The following MAP3K12 variants were observed in gnomAD, a reference collection of about 807,000 sequenced individuals.
MAP3K12 encodes the protein mitogen-activated protein kinase kinase kinase 12, also known as MAPK-upstream kinase.
A neutral mutation model predicts 87.5 loss-of-function variants in MAP3K12; 14 were observed. That is an observed-to-expected ratio of 0.16 (90% confidence interval 0.11 to 0.25). MAP3K12 has a LOEUF of 0.25. Among genes scored for constraint, MAP3K12 ranks in the 10% least tolerant of loss-of-function variants. The pLI, the probability that MAP3K12 is intolerant of heterozygous loss-of-function variation, is 1.00. For missense variants in MAP3K12, 802 were observed against 1,140.4 expected, an observed-to-expected ratio of 0.70 and a Z score of 4.27; for synonymous variants, 469 against 452.5, an observed-to-expected ratio of 1.04 and a Z score of -0.46.
chr12:53,484,207 T>C, intron 7 of MAP3K12, 50 bp downstream of exon 7: 1 of 1,526,852 alleles, frequency 6.5e-7, no homozygotes, highest in Non-Finnish European at 9.1e-7. Context: ...AATAGCATCA[T>C]CTCTGCAAAG....
chr12:53,495,267 G>T (rs996223868), intron 1 of MAP3K12, among the ~76,000 whole-genome samples: 1 of 148,486 alleles, frequency 6.7e-6, no homozygotes, highest in African/African-American at 2.5e-5. Context: ...TGAACCCAGG[G>T]GGCGGAGCCT....
At chr12:53,485,512 T>A (rs750790604) in intron 4 of MAP3K12, 37 bp from the exon 5 acceptor site, 5 of 1,594,222 alleles carry the variant, frequency 3.1e-6, no homozygotes. Flanking sequence ...TCCACACCCC[T>A]CCACACACCT....
chr12:53,496,256 T>C (rs1163663035), intron 1 of MAP3K12, among the ~76,000 whole-genome samples: 1 of 152,204 alleles, frequency 6.6e-6, no homozygotes, highest in Non-Finnish European at 1.5e-5. Context: ...GTGATTGTGC[T>C]GGAGTCCCCA....
chr12:53,479,671 G>GTTTTTTTTTTTTTTTGGT lies in MAP3K12; in HGVS notation c.*1510_*1511insACCAAAAAAAAAAAAAAA, dbSNP rs879244280. On this transcript the variant is annotated 3_prime_UTR_variant, in exon 14 of 14. Coordinates refer to ENST00000547488, the MANE Select transcript of MAP3K12 (RefSeq NM_001193511.2). ...ATTTAGTTTTATAAGCTTCTCCCTGGTTTTTTTTTTTTGGCTCATGAATTT... is the reference window on the plus strand; with the variant it reads ...ATTTAGTTTTATAAGCTTCTCCCTGGTTTTTTTTTTTTTTTGGTTTTTTTTTTTTTGGCTCATGAATTT... 0.012 allele frequency: 2,392 copies of GTTTTTTTTTTTTTTTGGT among 204,656 alleles called. 5 individuals are homozygous for GTTTTTTTTTTTTTTTGGT. Among genetic ancestry groups the GTTTTTTTTTTTTTTTGGT allele is most frequent in the Middle Eastern group, 0.023 (14 of 622 alleles). The allele number at this position is 204,656 out of a possible 1,614,324, so 12.7% of individuals were successfully genotyped here. A position where few individuals can be genotyped will look rare whatever the true frequency, so the allele number is the denominator to read the frequency against.
intron 1 of MAP3K12, among the ~76,000 whole-genome samples, chr12:53,491,024 C>T (rs1287591275): frequency 6.6e-6 from 1 of 152,006 alleles, no homozygotes; most frequent in African/African-American, 2.4e-5. Context: ...CGTAGTGGCT[C>T]ACGCCTGTAA....
chr12:53,498,101 C>T (rs1169530483), intron 1 of MAP3K12, among the ~76,000 whole-genome samples: 1 of 152,196 alleles, frequency 6.6e-6, no homozygotes, highest in East Asian at 1.9e-4. Flanking sequence ...AACATTACCC[C>T]AGTTGACAAT....
intron 1 of MAP3K12, 27 bp from the exon 2 acceptor site, chr12:53,487,455 G>T: frequency 6.5e-7 from 1 of 1,545,690 alleles, no homozygotes; most frequent in Non-Finnish European, 8.7e-7. Flanking sequence ...AGGAGGGGCT[G>T]GGCTGTTAAA....
At chr12:53,483,531 G>T in intron 9 of MAP3K12, 45 bp from the exon 10 acceptor site, 1 of 1,613,824 alleles carries the variant, frequency 6.2e-7, no homozygotes, top group Non-Finnish European at 8.5e-7. Flanking sequence ...GACCAGGAAG[G>T]GGCACCCCAG....
intron 6 of MAP3K12, 29 bp downstream of exon 6, chr12:53,485,027 C>T: frequency 1.2e-6 from 2 of 1,613,824 alleles, no homozygotes; most frequent in South Asian, 2.2e-5. Flanking sequence ...CTTCTCCAGG[C>T]CCAGTATCCC....
chr12:53,484,408 G>C, intron 6 of MAP3K12, 43 bp from the exon 7 acceptor site: 5 of 1,470,018 alleles, frequency 3.4e-6, no homozygotes, highest in Non-Finnish European at 4.8e-6. Flanking sequence ...GAATTTGAGG[G>C]AGGATCAGAT....
chr12:53,484,777 T>A (rs1448219108), intron 6 of MAP3K12: 13 of 505,674 alleles, frequency 2.6e-5, no homozygotes, highest in Non-Finnish European at 3.9e-5. Flanking sequence ...TTGGTGGTTA[T>A]GCTGCTCCTT....
At position 53,482,789 on chromosome 12, in the gene MAP3K12, G is replaced by C; in HGVS notation, c.2014C>G (p.Arg672Gly). 1 of 1,612,288 alleles carries C rather than the reference G, an allele frequency of 6.2e-7. No individual in the cohort carries two copies. The highest frequency in any genetic ancestry group is 1.1e-5 in the South Asian group (1 of 91,014). ...AGDPGSPPPA[R>G]GDTPPSEGSA... ...CCCTCACTTGGTGGGGTGTCACCCCGGGCCGGAGGTGGTGAGCCAGGATCC... is the reference window on the plus strand; with the variant it reads ...CCCTCACTTGGTGGGGTGTCACCCCCGGCCGGAGGTGGTGAGCCAGGATCC... The change falls in exon 11 of 14, where the codon CGG becomes GGG. Residue 672 changes from arginine (R) to glycine (G), a missense_variant. Physicochemically the swap from Arg to Gly is moderately radical, Grantham distance 125. Transcript: ENST00000547488.
In MAP3K12 at chr12:53,480,324, A is replaced by G. The variant is rs1220967067; in HGVS notation, c.*858T>C. 2.6e-5 allele frequency: 4 copies of G among 152,234 alleles called. No homozygotes were observed. Among genetic ancestry groups the G allele is most frequent in the African/African-American group, 9.7e-5 (4 of 41,442 alleles). The allele number at this position is 152,234 out of a possible 1,614,324, so 9.4% of individuals were successfully genotyped here. A position where few individuals can be genotyped will look rare whatever the true frequency, so the allele number is the denominator to read the frequency against. ...GTATCTGCTACCATTTATTCCTATAATTTTAGAAAGTTGGGGCTTGACATT... is the reference window on the plus strand; with the variant it reads ...GTATCTGCTACCATTTATTCCTATAGTTTTAGAAAGTTGGGGCTTGACATT... On this transcript the variant is annotated 3_prime_UTR_variant, in exon 14 of 14. Coordinates refer to ENST00000547488, the MANE Select transcript of MAP3K12 (RefSeq NM_001193511.2).
In MAP3K12 at chr12:53,482,099, C is replaced by T. The variant is rs200504418; in HGVS notation, c.2422G>A (p.Val808Ile). The part of the protein sequence containing the change: ...SEPSPSGTPE[V>I]GSTNTDERPD... ...CGCTCATCAGTGTTGGTGCTGCCAA[C>T]TTCAGGTGTGCCACTGGGGGAAGGT... Residue 808 changes from valine (V) to isoleucine (I), a missense_variant, in exon 13 of 14, where the codon GTT becomes ATT. By Grantham distance (29) the Val-to-Ile change is conservative. This residue lies in a region of MAP3K12 where 490 missense variants were observed against 496.6 expected (regional missense o/e 0.99). Coordinates refer to ENST00000547488, the MANE Select transcript of MAP3K12 (RefSeq NM_001193511.2). The T allele has an allele frequency of 1.2e-6, 2 of 1,614,208 alleles. No individual in the cohort carries two copies. The highest frequency in any genetic ancestry group is 1.7e-5 in the Admixed American group (1 of 60,026).
At chr12:53,489,544 C>A (rs572779105) in intron 1 of MAP3K12, among the ~76,000 whole-genome samples, 1 of 152,314 alleles carries the variant, frequency 6.6e-6, no homozygotes, top group East Asian at 1.9e-4. Context: ...GTTACCAGAT[C>A]CTGAGATTTG....
At chr12:53,498,000 T>C (rs1943576085) in intron 1 of MAP3K12, among the ~76,000 whole-genome samples, 1 of 152,130 alleles carries the variant, frequency 6.6e-6, no homozygotes, top group Non-Finnish European at 1.5e-5. Context: ...GCCTAGGAAA[T>C]CCTGAGCCAT....
chr12:53,487,905 A>T (rs1943278011), intron 1 of MAP3K12: 1 of 158,076 alleles, frequency 6.3e-6, no homozygotes, highest in Non-Finnish European at 1.4e-5. Context: ...TAACACCTAG[A>T]CCTCCTTCAC....
In MAP3K12 at chr12:53,487,148, G is replaced by T; in HGVS notation, c.244C>A (p.Gln82Lys). ...PPEPFANSVL[Q>K]LHEQDAGGPG... ...CCCCCTGCATCCTGCTCATGTAGCT[G>T]CAGGACACTGTTGGCAAAAGGCTCA... The change falls in exon 2 of 14, where the codon CAG becomes AAG. Residue 82 changes from glutamine (Q) to lysine (K), a missense_variant. This residue lies in a region of MAP3K12 where 135 missense variants were observed against 151.6 expected (regional missense o/e 0.89). Transcript: ENST00000547488. The T allele has an allele frequency of 1.2e-6, 2 of 1,614,102 alleles. No individual in the cohort carries two copies. Among genetic ancestry groups the T allele is most frequent in the Non-Finnish European group, 1.7e-6 (2 of 1,180,012 alleles).
At chr12:53,484,598 A>G in intron 6 of MAP3K12, 1 of 520,760 alleles carries the variant, frequency 1.9e-6, no homozygotes, top group East Asian at 3.3e-5. Context: ...TTGTCTCCCA[A>G]AATAAAAGCC....
Sources: gnomAD v4.1 joint callset for allele counts (sites outside exome capture counted in the v4.1 genomes callset) on GRCh38, gnomAD v4.1.1 for gene constraint, gnomAD v4.1.1 regional missense constraint, MANE v1.5 for transcripts, NCBI Gene and HGNC (gene_info 2026-07-23, HGNC 2026-07-21) for gene names.